Variants in SRGAP3 observed in about 807,000 individuals in gnomAD.
SRGAP3 encodes the protein SLIT-ROBO Rho GTPase-activating protein 3.
A neutral mutation model predicts 121.1 loss-of-function variants in SRGAP3; 39 were observed. The ratio of observed to expected loss-of-function variants is 0.32; its 90% CI spans 0.25 to 0.42. The LOEUF is 0.42. Among genes scored for constraint, SRGAP3 ranks in the 10% least tolerant of loss-of-function variants. SRGAP3 has a pLI of 1.00. For missense variants in SRGAP3, 1,213 were observed against 1,470.6 expected (o/e 0.82, Z 2.86); for synonymous variants, 601 against 570.0 (o/e 1.05, Z -0.77).
At chr3:9,321,808 C>G (rs577079051) in intron 3 of SRGAP3, among the ~76,000 whole-genome samples, 8 of 151,432 alleles carry the variant, frequency 5.3e-5, no homozygotes, top group African/African-American at 1.9e-4. Context: ...CCACTGGGGC[C>G]TATCAGAGGG....
At chr3:9,103,937 A>G (rs576051161) in intron 3 of SRGAP3, among the ~76,000 whole-genome samples, 4 of 152,344 alleles carry the variant, frequency 2.6e-5, no homozygotes, top group Admixed American at 2.6e-4. Flanking sequence ...AAAAATGAGC[A>G]TACTTTCGAC....
At position 9,143,099 on chromosome 3, in the gene SRGAP3, C is replaced by T. The variant is rs111572112; in HGVS notation, c.68-18182G>A. ...AAGCGATCCTCCTGCCTCAGTCTCC[C>T]AAACTGCTGGGATTACAGTCATGAG... On this transcript the variant is annotated intron_variant, in intron 1 of 21. Coordinates refer to ENST00000383836, the MANE Select transcript of SRGAP3 (RefSeq NM_014850.4). 2.4e-3 allele frequency among the ~76,000 whole-genome samples: 370 copies of T among 152,188 alleles called. 3 individuals carry two copies. The highest frequency in any genetic ancestry group is 8.6e-3 in the African/African-American group (358 of 41,534).
chr3:9,269,478 AC>A (rs1490767673), intron 3 of SRGAP3, among the ~76,000 whole-genome samples: 1 of 152,180 alleles, frequency 6.6e-6, no homozygotes, highest in Non-Finnish European at 1.5e-5. Flanking sequence ...ACTCCTCAAG[AC>A]CAATTCTTAT....
chr3:9,233,197 T>G (rs1276123044), intron 1 of SRGAP3, among the ~76,000 whole-genome samples: 1 of 152,214 alleles, frequency 6.6e-6, no homozygotes, highest in East Asian at 1.9e-4. Flanking sequence ...TGTTATTATG[T>G]CCCTCTTTCA....
intron 1 of SRGAP3, among the ~76,000 whole-genome samples, chr3:9,169,258 T>C (rs1490978161): frequency 6.6e-6 from 1 of 152,226 alleles, no homozygotes; most frequent in East Asian, 1.9e-4. Flanking sequence ...ACTTTGTAAG[T>C]ATGATTATAA....
At chr3:9,319,979 G>C (rs1955413551) in intron 3 of SRGAP3, among the ~76,000 whole-genome samples, 1 of 151,870 alleles carries the variant, frequency 6.6e-6, no homozygotes, top group African/African-American at 2.4e-5. Context: ...GAACAAAGCT[G>C]GTCTCATCCT....
intron 1 of SRGAP3, chr3:9,348,440 AC>A: frequency 1.5e-6 from 1 of 646,898 alleles, no homozygotes; most frequent in South Asian, 1.7e-5. Flanking sequence ...CCAGCCCGCC[AC>A]CATGGCTGCC....
intron 1 of SRGAP3, among the ~76,000 whole-genome samples, chr3:9,222,198 A>G (rs1952836012): frequency 6.6e-6 from 1 of 152,216 alleles, no homozygotes; most frequent in African/African-American, 2.4e-5. Context: ...GTTTACCTCC[A>G]CCTGAAACAC....
chr3:9,309,366 T>C (rs888201465), intron 3 of SRGAP3, among the ~76,000 whole-genome samples: 2 of 152,214 alleles, frequency 1.3e-5, no homozygotes, highest in African/African-American at 4.8e-5. Context: ...TAACCTTCAC[T>C]ACCCTCTTTC....
At chr3:9,185,270 G>C (rs1951559228) in intron 1 of SRGAP3, among the ~76,000 whole-genome samples, 1 of 152,110 alleles carries the variant, frequency 6.6e-6, no homozygotes, top group South Asian at 2.1e-4. Context: ...ACCATGCAAG[G>C]CCTCTTCCAC....
At chr3:9,180,294 C>T (rs1234937001) in intron 1 of SRGAP3, among the ~76,000 whole-genome samples, 1 of 152,204 alleles carries the variant, frequency 6.6e-6, no homozygotes, top group African/African-American at 2.4e-5. Flanking sequence ...GCCCTCAAGA[C>T]AGGCTGTTTG....
intron 1 of SRGAP3, among the ~76,000 whole-genome samples, chr3:9,155,908 C>T (rs532949194): frequency 0.012 from 1,822 of 152,272 alleles, 48 homozygotes; most frequent in African/African-American, 0.042. Flanking sequence ...CTCCACCTCC[C>T]GGGTTCACGC....
rs576503895 is a variant in SRGAP3, at chr3:9,048,496, CTCAG to C, written c.1324-1025_1324-1022del. On this transcript the variant is annotated intron_variant, in intron 9 of 21. Transcript: ENST00000383836. Reference sequence around the variant, plus strand: ...AACAAAAAAGGTAAATAAAATACCACTCAGTCAGGCGGTGGTGAATGCTACGGAT... The same window carrying C: ...AACAAAAAAGGTAAATAAAATACCACTCAGGCGGTGGTGAATGCTACGGAT... Among the ~76,000 whole-genome samples the C allele has an allele frequency of 1.9e-4, 29 of 152,284 alleles. No individual in the cohort carries two copies. In the South Asian group the frequency reaches 5.8e-3, roughly 30 times the overall value.
At chr3:9,252,197 G>A (rs1161162198), upstream of SRGAP3, among the ~76,000 whole-genome samples, 1 of 152,114 alleles carries the variant, frequency 6.6e-6, no homozygotes, top group African/African-American at 2.4e-5. Flanking sequence ...TGATATGCCT[G>A]CACCTTCCAC....
At chr3:9,006,071 C>T (rs1302309266) in intron 18 of SRGAP3, among the ~76,000 whole-genome samples, 1 of 149,172 alleles carries the variant, frequency 6.7e-6, no homozygotes, top group East Asian at 1.9e-4. Context: ...AAGAAATTGG[C>T]CACTGTTCTT....
intron 3 of SRGAP3, among the ~76,000 whole-genome samples, chr3:9,304,366 G>C (rs1955121610): frequency 6.6e-6 from 1 of 152,128 alleles, no homozygotes; most frequent in Non-Finnish European, 1.5e-5. Flanking sequence ...TGGCTCCTTA[G>C]CACAGTCTCC....
chr3:9,121,531 C>T (rs1949004072), intron 2 of SRGAP3, among the ~76,000 whole-genome samples: 1 of 152,184 alleles, frequency 6.6e-6, no homozygotes, highest in Non-Finnish European at 1.5e-5. Flanking sequence ...TGCAGAGGGC[C>T]CCCTCCAGCT....
intron 1 of SRGAP3, among the ~76,000 whole-genome samples, chr3:9,357,448 C>G (rs1335390007): frequency 6.6e-6 from 1 of 151,958 alleles, no homozygotes; most frequent in Non-Finnish European, 1.5e-5. Context: ...TTGTAGCATG[C>G]ATCTGATGGT....
At chr3:9,254,927 GAGAAAGAAAAAGAA>G in intron 3 of SRGAP3, among the ~76,000 whole-genome samples, 1 of 143,564 alleles carries the variant, frequency 7.0e-6, no homozygotes, top group East Asian at 2.0e-4. Context: ...GAAAGAGAGA[GAGAAAGAAAAAGAA>G]AGAAAGAAAG....
Sources: gnomAD v4.1 joint callset for allele counts (sites outside exome capture counted in the v4.1 genomes callset) on GRCh38, gnomAD v4.1.1 for gene constraint, MANE v1.5 for transcripts, NCBI Gene and HGNC (gene_info 2026-07-23, HGNC 2026-07-21) for gene names.